The following HYCC2 variants were observed in gnomAD, a reference collection of about 807,000 sequenced individuals.
The protein encoded by HYCC2 is hyccin PI4KA lipid kinase complex subunit 2.
chr2:201,061,640 TA>T, the HYCC2 span, among the ~76,000 whole-genome samples: 24 of 151,150 alleles, frequency 1.6e-4, no homozygotes, highest in Middle Eastern at 3.4e-3. Context: ...TTTTTTTTTT[TA>T]TTTTTATTGA....
chr2:201,003,055 A>G, the HYCC2 span, among the ~76,000 whole-genome samples: 1 of 152,292 alleles, frequency 6.6e-6, no homozygotes, highest in African/African-American at 2.4e-5. Flanking sequence ...TCTATGTGCC[A>G]CTAGAGAAAG....
At chr2:200,987,312 A>T in the HYCC2 span, 2 of 1,261,256 alleles carry the variant, frequency 1.6e-6, no homozygotes, top group Non-Finnish European at 2.1e-6. Flanking sequence ...GAGAGCCAGG[A>T]TCCTTCTCCA....
chr2:200,989,420 A>C, the HYCC2 span, among the ~76,000 whole-genome samples: 2 of 152,186 alleles, frequency 1.3e-5, no homozygotes, highest in Admixed American at 1.3e-4. Flanking sequence ...TAAGATTAGG[A>C]AACAAATGGG....
the HYCC2 span, among the ~76,000 whole-genome samples, chr2:201,053,228 T>C: frequency 2.0e-5 from 3 of 152,190 alleles, no homozygotes; most frequent in Admixed American, 6.5e-5. Context: ...GTTCAAGTGA[T>C]TCTCCAGCCT....
At chr2:201,043,792 G>A in the HYCC2 span, among the ~76,000 whole-genome samples, 1 of 152,156 alleles carries the variant, frequency 6.6e-6, no homozygotes, top group East Asian at 1.9e-4. Context: ...ACAGGTGTGA[G>A]CCACCGCGCC....
chr2:200,998,806 G>A, the HYCC2 span, among the ~76,000 whole-genome samples: 8 of 152,304 alleles, frequency 5.3e-5, no homozygotes, highest in East Asian at 1.5e-3. Flanking sequence ...TAGATGAATG[G>A]TGAAGGGTTT....
At chr2:201,044,792 A>G in the HYCC2 span, among the ~76,000 whole-genome samples, 35,783 of 152,032 alleles carry the variant, frequency 0.24, 5,246 homozygotes, top group Non-Finnish European at 0.31. Flanking sequence ...TTTATAGTAC[A>G]GAGATTATTC....
chr2:201,061,276 C>T, the HYCC2 span: 3 of 151,884 alleles, frequency 2.0e-5, no homozygotes, highest in Admixed American at 2.0e-4. Context: ...CTACTAAATA[C>T]TAATAATTAG....
the HYCC2 span, among the ~76,000 whole-genome samples, chr2:200,983,378 C>T: frequency 9.2e-5 from 14 of 152,176 alleles, no homozygotes; most frequent in East Asian, 2.7e-3. Context: ...TATTTAAACA[C>T]AATCTTTTAT....
the HYCC2 span, chr2:200,992,799 T>C: frequency 1.2e-6 from 1 of 835,904 alleles, no homozygotes; most frequent in Non-Finnish European, 2.0e-6. Context: ...AAAGATTCAG[T>C]ATTGTGTCGG....
chr2:200,995,665 T>G, the HYCC2 span, among the ~76,000 whole-genome samples: 1 of 152,172 alleles, frequency 6.6e-6, no homozygotes, highest in Admixed American at 6.5e-5. Context: ...CCACAGGAAC[T>G]CAATTCTGCC....
At chr2:200,987,924 A>T in the HYCC2 span, among the ~76,000 whole-genome samples, 1 of 152,224 alleles carries the variant, frequency 6.6e-6, no homozygotes, top group Non-Finnish European at 1.5e-5. Flanking sequence ...CCAGTTATAT[A>T]GTTTTTCCCA....
the HYCC2 span, chr2:200,997,364 G>C: frequency 9.9e-7 from 1 of 1,012,538 alleles, no homozygotes; most frequent in Non-Finnish European, 1.5e-6. Context: ...CCAGAAGTTA[G>C]AACAGTGCTT....
At chr2:201,008,840 G>A in the HYCC2 span, 1 of 610,088 alleles carries the variant, frequency 1.6e-6, no homozygotes, top group Non-Finnish European at 3.0e-6. Context: ...CAAGGCTGCA[G>A]TGAGCCATGT....
the HYCC2 span, among the ~76,000 whole-genome samples, chr2:201,070,513 G>T: frequency 6.6e-6 from 1 of 152,046 alleles, no homozygotes; most frequent in Non-Finnish European, 1.5e-5. Context: ...TTAGTCGGGC[G>T]TGGTGGCGCA....
At chr2:201,067,239 A>C in the HYCC2 span, 1 of 179,318 alleles carries the variant, frequency 5.6e-6, no homozygotes, top group Non-Finnish European at 1.2e-5. Context: ...GTATCTTCTC[A>C]CCAGAAAAAA....
chr2:201,006,188 C>T, the HYCC2 span, among the ~76,000 whole-genome samples: 314 of 148,350 alleles, frequency 2.1e-3, no homozygotes, highest in African/African-American at 7.3e-3. Context: ...AGTGCACTGG[C>T]GTGATCTCAG....
At chr2:201,028,199 T>A in the HYCC2 span, among the ~76,000 whole-genome samples, 2 of 152,128 alleles carry the variant, frequency 1.3e-5, no homozygotes, top group Non-Finnish European at 2.9e-5. Context: ...AAATCATGAG[T>A]GAACTCCCAT....
the HYCC2 span, among the ~76,000 whole-genome samples, chr2:200,993,685 A>C: frequency 6.6e-6 from 1 of 152,118 alleles, no homozygotes; most frequent in Non-Finnish European, 1.5e-5. Flanking sequence ...CTGCAATTTA[A>C]AAATAGCATT....
Sources: gnomAD v4.1 joint callset for allele counts (sites outside exome capture counted in the v4.1 genomes callset) on GRCh38, gnomAD v4.1.1 for gene constraint, MANE v1.5 for transcripts, NCBI Gene and HGNC (gene_info 2026-07-23, HGNC 2026-07-21) for gene names.